Variants in NAALADL2 observed in about 807,000 individuals in gnomAD.
NAALADL2 encodes the protein inactive N-acetylated-alpha-linked acidic dipeptidase-like protein 2.
In NAALADL2, 76 loss-of-function variants were observed where a neutral mutation model predicts 87.2. That is an observed-to-expected ratio of 0.87 (90% CI 0.72 to 1.05). The LOEUF is 1.05. NAALADL2 is among the 50% of genes least tolerant of loss of function. NAALADL2 has a pLI of 0.00. For missense variants in NAALADL2, 1,089 were observed against 945.8 expected (o/e 1.15, Z -1.99); for synonymous variants, 354 against 331.0 (o/e 1.07, Z -0.75).
At chr3:174,949,451 T>C (rs1197344063) in intron 1 of NAALADL2, among the ~76,000 whole-genome samples, 1 of 152,132 alleles carries the variant, frequency 6.6e-6, no homozygotes, top group Non-Finnish European at 1.5e-5. Flanking sequence ...AGTCACACAG[T>C]GTAATGGGGG....
At chr3:175,468,288 ATGTT>A (rs1367708845) in intron 8 of NAALADL2, among the ~76,000 whole-genome samples, 14 of 152,230 alleles carry the variant, frequency 9.2e-5, no homozygotes, top group African/African-American at 2.6e-4. Flanking sequence ...AGTGGTGTGA[ATGTT>A]TGGGCCATAT....
rs527899934 is a variant in NAALADL2 at position 175,071,674 on chromosome 3, A to G, written c.44-25116A>G. On this transcript the variant is annotated intron_variant, in intron 1 of 13. Coordinates refer to ENST00000454872, the MANE Select transcript of NAALADL2 (RefSeq NM_207015.3). ...TGACTGGGGAATGTTATTGGGCCAA[A>G]TGGACACAGCCACCAATGCCTGGTA... is the stretch of plus-strand genomic sequence containing the variant. Among the ~76,000 whole-genome samples the G allele has an allele frequency of 1.6e-4, 25 of 152,182 alleles. No individual in the cohort carries two copies. The South Asian group carries it at 4.3e-3, about 26-fold the overall frequency.
intron 5 of NAALADL2, among the ~76,000 whole-genome samples, chr3:175,427,839 G>C (rs1032446285): frequency 6.6e-6 from 1 of 152,002 alleles, no homozygotes; most frequent in Non-Finnish European, 1.5e-5. Context: ...TGTTGCTTAA[G>C]GTTCTTCATG....
chr3:174,769,385 G>T (rs1714246219), intron 3 of NAALADL2, among the ~76,000 whole-genome samples: 2 of 151,788 alleles, frequency 1.3e-5, no homozygotes, highest in Admixed American at 6.6e-5. Flanking sequence ...AGAATTTCCT[G>T]CCTGTGTTGT....
At chr3:175,003,486 T>C (rs915099088) in intron 1 of NAALADL2, among the ~76,000 whole-genome samples, 2 of 152,180 alleles carry the variant, frequency 1.3e-5, no homozygotes, top group African/African-American at 4.8e-5. Flanking sequence ...ATGTATGAAA[T>C]TGACATTCAG....
chr3:175,437,752 G>C (rs972661762), intron 5 of NAALADL2, among the ~76,000 whole-genome samples: 1 of 151,868 alleles, frequency 6.6e-6, no homozygotes, highest in South Asian at 2.1e-4. Context: ...CCAAAACAGA[G>C]ATATAGATCA....
chr3:175,737,713 A>ATTT, intron 12 of NAALADL2, among the ~76,000 whole-genome samples: 3 of 75,522 alleles, frequency 4.0e-5, no homozygotes, highest in South Asian at 3.8e-4. Context: ...TCAATGATCC[A>ATTT]GTTTTTTTTT....
At chr3:174,765,398 A>G (rs1713677330) in intron 3 of NAALADL2, among the ~76,000 whole-genome samples, 2 of 152,200 alleles carry the variant, frequency 1.3e-5, no homozygotes, top group Admixed American at 1.3e-4. Flanking sequence ...ATTTATTACT[A>G]AATAAGTAAT....
chr3:175,299,877 A>G (rs914504288), intron 4 of NAALADL2, among the ~76,000 whole-genome samples: 1 of 152,130 alleles, frequency 6.6e-6, no homozygotes, highest in Non-Finnish European at 1.5e-5. Flanking sequence ...TTTTCAAAGG[A>G]AATGCTTTCA....
intron 4 of NAALADL2, among the ~76,000 whole-genome samples, chr3:175,284,874 C>T (rs924831434): frequency 2.0e-5 from 3 of 152,152 alleles, no homozygotes; most frequent in Admixed American, 2.0e-4. Flanking sequence ...GATGCAGCAT[C>T]TTCATTCCTG....
chr3:175,049,415 G>A (rs1755084904), intron 1 of NAALADL2, among the ~76,000 whole-genome samples: 1 of 152,012 alleles, frequency 6.6e-6, no homozygotes, highest in South Asian at 2.1e-4. Flanking sequence ...AGATAAGGAA[G>A]AGTTTTTGTA....
intron 1 of NAALADL2, among the ~76,000 whole-genome samples, chr3:174,921,340 A>G (rs1455745293): frequency 2.0e-5 from 3 of 152,206 alleles, no homozygotes; most frequent in Admixed American, 2.0e-4. Context: ...TAAATCACTT[A>G]AATACAATTT....
chr3:175,708,671 A>T (rs150189373), intron 11 of NAALADL2, among the ~76,000 whole-genome samples: 2 of 151,902 alleles, frequency 1.3e-5, no homozygotes, highest in Non-Finnish European at 2.9e-5. Context: ...AAAATTTCTC[A>T]TCATTATTTC....
At chr3:174,558,072 A>T (rs1257177685) in intron 2 of NAALADL2, among the ~76,000 whole-genome samples, 1 of 152,142 alleles carries the variant, frequency 6.6e-6, no homozygotes, top group East Asian at 1.9e-4. Flanking sequence ...ATTCAGCATA[A>T]ACTATATTGT....
chr3:175,011,863 T>A (rs1749870306), intron 1 of NAALADL2, among the ~76,000 whole-genome samples: 1 of 152,150 alleles, frequency 6.6e-6, no homozygotes, highest in South Asian at 2.1e-4. Context: ...GTGGGATTAT[T>A]AAGGATTGTT....
intron 4 of NAALADL2, among the ~76,000 whole-genome samples, chr3:175,302,844 GTGTA>G (rs1232893867): frequency 2.2e-4 from 32 of 143,714 alleles, no homozygotes; most frequent in African/African-American, 3.5e-4. Context: ...ATATATGTGT[GTGTA>G]TGTGTGTGTG....
At chr3:175,777,979 T>C (rs1750490915) in intron 13 of NAALADL2, among the ~76,000 whole-genome samples, 1 of 152,214 alleles carries the variant, frequency 6.6e-6, no homozygotes, top group Non-Finnish European at 1.5e-5. Context: ...ACGTTTAGCA[T>C]AATGTTTTCA....
chr3:174,723,033 A>G (rs1731850341), intron 2 of NAALADL2, among the ~76,000 whole-genome samples: 1 of 152,146 alleles, frequency 6.6e-6, no homozygotes, highest in Admixed American at 6.5e-5. Flanking sequence ...ACATACATGT[A>G]TTTAATTTTT....
intron 1 of NAALADL2, among the ~76,000 whole-genome samples, chr3:174,962,763 T>C (rs954362119): frequency 2.4e-4 from 37 of 152,054 alleles, no homozygotes; most frequent in African/African-American, 8.7e-4. Flanking sequence ...GTTTCATTGC[T>C]AAGTGGGCTA....
Sources: allele counts gnomAD v4.1 joint callset (sites outside exome capture counted in the v4.1 genomes callset), GRCh38; gene constraint gnomAD v4.1.1; transcripts MANE v1.5; gene names NCBI Gene and HGNC (gene_info 2026-07-23, HGNC 2026-07-21).